The following CD109 variants were observed in gnomAD, a reference collection of about 807,000 sequenced individuals.
CD109 encodes the protein CD109 antigen.
A neutral mutation model predicts 165.8 loss-of-function variants in CD109; 149 were observed. The ratio of observed to expected loss-of-function variants is 0.90; its 90% CI spans 0.79 to 1.03. The LOEUF is 1.03. Among genes scored for constraint, CD109 ranks in the 50% least tolerant of loss-of-function variants. The pLI, the probability that CD109 is intolerant of heterozygous loss-of-function variation, is 0.00. For synonymous variants in CD109, 585 were observed against 592.1 expected (o/e 0.99, Z 0.18); for missense variants, 1,712 against 1,677.8 (o/e 1.02, Z -0.36).
chr6:73,747,827 C>T (rs1379296191), intron 5 of CD109, among the ~76,000 whole-genome samples: 1 of 152,016 alleles, frequency 6.6e-6, no homozygotes, highest in African/African-American at 2.4e-5. Context: ...CACCCATATT[C>T]AGGCCTTCAT....
intron 22 of CD109, among the ~76,000 whole-genome samples, chr6:73,791,162 T>C (rs868706973): frequency 0.066 from 2,374 of 35,868 alleles, 163 homozygotes; most frequent in African/African-American, 0.1. Flanking sequence ...TATATATATA[T>C]ATATATATAT....
intron 23 of CD109, among the ~76,000 whole-genome samples, chr6:73,802,399 C>T (rs1582184094): frequency 6.8e-6 from 1 of 148,148 alleles, no homozygotes; most frequent in East Asian, 2.0e-4. Context: ...GCCATGGCCC[C>T]AAAATTTAAG....
intron 16 of CD109, among the ~76,000 whole-genome samples, chr6:73,781,019 GTT>G (rs1292267902): frequency 3.3e-5 from 5 of 150,566 alleles, no homozygotes; most frequent in Non-Finnish European, 7.4e-5. Context: ...GTGTGTGTGT[GTT>G]TGAGTGAGAA....
intron 23 of CD109, among the ~76,000 whole-genome samples, chr6:73,799,054 G>A (rs560181147): frequency 6.6e-6 from 1 of 151,952 alleles, no homozygotes; most frequent in East Asian, 1.9e-4. Context: ...GCTATCTGGA[G>A]AATTTAGTCC....
At position 73,770,137 on chromosome 6, in the gene CD109, T is replaced by C. The variant is rs183072559; in HGVS notation, c.1675-1292T>C. On this transcript the variant is annotated intron_variant, in intron 14 of 32. Transcript: ENST00000287097. ...ACCCTCCCACAGAGAATGAGATCAA[T>C]TGGGACTCTGTCTTTCTTGATGATT... Among the ~76,000 whole-genome samples, 124 of 151,326 alleles carry C rather than the reference T, an allele frequency of 8.2e-4. No individual in the cohort carries two copies. The Middle Eastern group carries it at 0.014, about 17-fold the overall frequency.
rs950904728 is a variant in CD109 at position 73,696,344 on chromosome 6, CGGCTCTGGGCCAG to C, written c.74+60_74+72del. 8.2e-5 allele frequency: 109 copies of C among 1,336,398 alleles called. No individual in the cohort carries two copies. The Middle Eastern group carries it at 8.2e-4, about 10-fold the overall frequency. 82.8% of individuals were successfully genotyped at this position (1,336,398 alleles called of 1,614,324 possible). On this transcript the variant is annotated intron_variant, in intron 1 of 32. Coordinates refer to ENST00000287097, the MANE Select transcript of CD109 (RefSeq NM_133493.5). ...GGGCGCGCGGGCCTGGGCCGCTCTG[CGGCTCTGGGCCAG>C]GGCTTCGGGGAGGTGGCGGCTGCTG...
At chr6:73,803,197 T>G in intron 23 of CD109, 23 bp from the exon 24 acceptor site, 1 of 1,518,458 alleles carries the variant, frequency 6.6e-7, no homozygotes, top group Non-Finnish European at 9.1e-7. Flanking sequence ...TTACTTTGAC[T>G]ATCTGTCTAT....
At chr6:73,742,588 C>T (rs1010008674) in intron 5 of CD109, among the ~76,000 whole-genome samples, 5 of 152,230 alleles carry the variant, frequency 3.3e-5, no homozygotes, top group African/African-American at 1.2e-4. Flanking sequence ...CGCACTGGTG[C>T]TCATGTTCCT....
At chr6:73,696,369 G>T (rs1259575002) in intron 1 of CD109, 80 bp downstream of exon 1, 4 of 1,194,370 alleles carry the variant, frequency 3.3e-6, no homozygotes, top group Non-Finnish European at 3.3e-6. Flanking sequence ...GCTTCGGGGA[G>T]GTGGCGGCTG....
intron 23 of CD109, among the ~76,000 whole-genome samples, chr6:73,798,105 G>A (rs1395373134): frequency 1.5e-5 from 2 of 136,086 alleles, no homozygotes; most frequent in African/African-American, 5.7e-5. Flanking sequence ...AGTCATCAGT[G>A]TCCTGTTTTT....
At chr6:73,788,734 A>G in intron 22 of CD109, 122 bp downstream of exon 22, 1 of 799,614 alleles carries the variant, frequency 1.3e-6, no homozygotes, top group Non-Finnish European at 1.9e-6. Flanking sequence ...AAAGTTTTTA[A>G]TTGGGCCCAA....
At chr6:73,785,980 AT>A (rs1482107214) in intron 20 of CD109, among the ~76,000 whole-genome samples, 1 of 151,624 alleles carries the variant, frequency 6.6e-6, no homozygotes, top group African/African-American at 2.4e-5. Flanking sequence ...AGTAGCTGGG[AT>A]TACAAGGGTG....
chr6:73,786,551 C>A (rs1774700143), intron 20 of CD109, among the ~76,000 whole-genome samples: 1 of 151,976 alleles, frequency 6.6e-6, no homozygotes, highest in Admixed American at 6.6e-5. Flanking sequence ...AATGTTTAAT[C>A]TACCACTTAC....
intron 5 of CD109, among the ~76,000 whole-genome samples, chr6:73,742,584 G>C (rs1192142407): frequency 6.6e-6 from 1 of 152,234 alleles, no homozygotes; most frequent in East Asian, 1.9e-4. Flanking sequence ...CCCACGCACT[G>C]GTGCTCATGT....
chr6:73,753,591 C>T (rs1773276626), intron 5 of CD109, among the ~76,000 whole-genome samples: 2 of 152,196 alleles, frequency 1.3e-5, no homozygotes, highest in African/African-American at 4.8e-5. Context: ...ATACTGTCAG[C>T]ACCCACTTCC....
intron 5 of CD109, among the ~76,000 whole-genome samples, chr6:73,748,710 A>G (rs2150204671): frequency 6.6e-6 from 1 of 152,354 alleles, no homozygotes; most frequent in East Asian, 1.9e-4. Flanking sequence ...AACCCACCAC[A>G]GCTGATTCTG....
chr6:73,812,011 T>G (rs1042112026), intron 28 of CD109, among the ~76,000 whole-genome samples, 194 bp from the exon 29 acceptor site: 8 of 152,166 alleles, frequency 5.3e-5, no homozygotes, highest in African/African-American at 1.9e-4. Flanking sequence ...GCTTGGGGAG[T>G]GTGCACTTTT....
At chr6:73,783,626 A>G in intron 18 of CD109, 81 bp from the exon 19 acceptor site, 1 of 815,934 alleles carries the variant, frequency 1.2e-6, no homozygotes, top group Admixed American at 2.2e-5. Flanking sequence ...TCTTCCAAAA[A>G]TAGTTTAGAT....
chr6:73,791,176 TACACAC>T lies in CD109; in HGVS notation c.2702-1442_2702-1437del, dbSNP rs3081481. Among the ~76,000 whole-genome samples, 4 of 24,140 alleles carry T rather than the reference TACACAC, an allele frequency of 1.7e-4. 1 individual carries two copies. The highest frequency in any genetic ancestry group is 4.1e-4 in the African/African-American group (3 of 7,242). 15.8% of individuals were successfully genotyped at this position (24,140 alleles called of 152,430 possible). A position where few individuals can be genotyped will look rare whatever the true frequency, so the allele number is the denominator to read the frequency against. The stretch of plus-strand genomic sequence containing the variant: ...ATATATATATATATATATATATATA[TACACAC>T]ACACACATACATATATATATATATA... On this transcript the variant is annotated intron_variant, in intron 22 of 32. Coordinates refer to ENST00000287097, the MANE Select transcript of CD109 (RefSeq NM_133493.5).
Sources: allele counts gnomAD v4.1 joint callset (sites outside exome capture counted in the v4.1 genomes callset), GRCh38; gene constraint gnomAD v4.1.1; transcripts MANE v1.5; gene names NCBI Gene and HGNC (gene_info 2026-07-23, HGNC 2026-07-21).